VSNL1: variants seen among roughly 807,000 people sequenced by gnomAD.
VSNL1 encodes visinin like 1, also known as visinin-like protein 1.
Under a neutral mutation model 20.4 loss-of-function variants are expected in VSNL1, and 6 were observed. The ratio of observed to expected loss-of-function variants is 0.29; its 90% CI spans 0.16 to 0.58. The LOEUF is 0.58. Ranked by LOEUF, VSNL1 falls within the 20% of genes least tolerant of loss-of-function variation. VSNL1 has a pLI of 0.90. For missense variants in VSNL1, 100 were observed against 234.5 expected (o/e 0.43, Z 3.75); for synonymous variants, 93 against 86.4 (o/e 1.08, Z -0.42).
chr2:17,627,949 A>G (rs1665548240), intron 2 of VSNL1, among the ~76,000 whole-genome samples: 1 of 152,258 alleles, frequency 6.6e-6, no homozygotes. Context: ...CCCAGGAATG[A>G]ACAAGGACAG....
chr2:17,641,421 G>T (rs1227398662), intron 2 of VSNL1, among the ~76,000 whole-genome samples: 4 of 152,162 alleles, frequency 2.6e-5, no homozygotes, highest in African/African-American at 9.7e-5. Flanking sequence ...CTAGCAGACT[G>T]GCTCTAAATG....
chr2:17,605,471 C>G (rs978171178), intron 2 of VSNL1, among the ~76,000 whole-genome samples: 1 of 152,224 alleles, frequency 6.6e-6, no homozygotes, highest in Non-Finnish European at 1.5e-5. Flanking sequence ...CCCAGCGACT[C>G]GGCGGGTAAG....
At chr2:17,606,920 C>T (rs780445383) in intron 2 of VSNL1, among the ~76,000 whole-genome samples, 1 of 152,250 alleles carries the variant, frequency 6.6e-6, no homozygotes, top group East Asian at 1.9e-4. Context: ...TCCAGACAAG[C>T]CTGCTGGATT....
At chr2:17,559,931 C>A (rs1663774605) in intron 1 of VSNL1, among the ~76,000 whole-genome samples, 2 of 151,600 alleles carry the variant, frequency 1.3e-5, no homozygotes, top group Non-Finnish European at 1.5e-5. Flanking sequence ...TATTGAAAAT[C>A]CAAAGATTCA....
intron 2 of VSNL1, among the ~76,000 whole-genome samples, chr2:17,611,368 G>T (rs1377329551): frequency 6.6e-6 from 1 of 152,214 alleles, no homozygotes; most frequent in Non-Finnish European, 1.5e-5. Context: ...AACCATTTGA[G>T]CCTCAGTTAC....
At chr2:17,596,188 G>A (rs1664706760) in intron 2 of VSNL1, among the ~76,000 whole-genome samples, 1 of 152,142 alleles carries the variant, frequency 6.6e-6, no homozygotes, top group Non-Finnish European at 1.5e-5. Flanking sequence ...ATAGAAAGAT[G>A]CCTTCTGTCC....
intron 1 of VSNL1, among the ~76,000 whole-genome samples, chr2:17,566,523 A>G (rs1163575782): frequency 6.6e-6 from 1 of 152,100 alleles, no homozygotes; most frequent in African/African-American, 2.4e-5. Flanking sequence ...TCTGTAAATT[A>G]CTTATTCACA....
At chr2:17,586,775 G>T (rs533491016) in intron 1 of VSNL1, among the ~76,000 whole-genome samples, 2 of 152,190 alleles carry the variant, frequency 1.3e-5, no homozygotes, top group Non-Finnish European at 2.9e-5. Flanking sequence ...GGAAAAGAGA[G>T]GAGTAGTAAC....
At chr2:17,651,147 C>G (rs1336424686) in intron 3 of VSNL1, among the ~76,000 whole-genome samples, 2 of 152,188 alleles carry the variant, frequency 1.3e-5, no homozygotes, top group Non-Finnish European at 2.9e-5. Flanking sequence ...CATTTCCCCT[C>G]ATTGGCCACC....
At chr2:17,540,385 C>G (rs1006051352), upstream of VSNL1, among the ~76,000 whole-genome samples, 2 of 152,258 alleles carry the variant, frequency 1.3e-5, no homozygotes, top group Non-Finnish European at 2.9e-5. Context: ...GTCCGGGTAA[C>G]CCGCAGTCCC....
chr2:17,593,166 C>T (rs1370981434), intron 2 of VSNL1, among the ~76,000 whole-genome samples: 1 of 152,090 alleles, frequency 6.6e-6, no homozygotes, highest in African/African-American at 2.4e-5. Context: ...TGAAGCTGAA[C>T]ATTTTCTATA....
rs1395754167 is a variant in VSNL1, at chr2:17,540,762, A to T, written c.-162A>T. 6.5e-6 allele frequency: 1 copy of T among 152,728 alleles called. No individual in the cohort carries two copies. The highest frequency in any genetic ancestry group is 1.5e-5 in the Non-Finnish European group (1 of 68,090). 9.5% of individuals were successfully genotyped at this position (152,728 alleles called of 1,614,324 possible). ...CTGGGCTTGCAAGGCGCGATCCAAGAGGGATTTAAGCAGCCCAGAGCTCCA... is the reference window on the plus strand; with the variant it reads ...CTGGGCTTGCAAGGCGCGATCCAAGTGGGATTTAAGCAGCCCAGAGCTCCA... On this transcript the variant is annotated 5_prime_UTR_variant, in exon 1 of 4. Transcript: ENST00000295156.
intron 1 of VSNL1, among the ~76,000 whole-genome samples, chr2:17,544,444 C>G (rs1011455185): frequency 6.6e-6 from 1 of 152,126 alleles, no homozygotes; most frequent in East Asian, 1.9e-4. Context: ...CTAAGTGCCC[C>G]GCTTTGGTTT....
intron 1 of VSNL1, among the ~76,000 whole-genome samples, chr2:17,572,851 C>T (rs1664114113): frequency 6.6e-6 from 1 of 152,200 alleles, no homozygotes; most frequent in Non-Finnish European, 1.5e-5. Flanking sequence ...AAGGTTGCTT[C>T]TCATGTGAAG....
At chr2:17,612,635 G>A (rs1263165453) in intron 2 of VSNL1, among the ~76,000 whole-genome samples, 3 of 152,072 alleles carry the variant, frequency 2.0e-5, no homozygotes, top group African/African-American at 7.2e-5. Context: ...CACCTGATGG[G>A]GCCCATCCCT....
At chr2:17,632,619 A>T (rs1023088824) in intron 2 of VSNL1, among the ~76,000 whole-genome samples, 2 of 152,188 alleles carry the variant, frequency 1.3e-5, no homozygotes, top group Non-Finnish European at 2.9e-5. Context: ...CACTCTTAAT[A>T]ATAACTCTGA....
At chr2:17,540,343 C>G (rs1478962532), upstream of VSNL1, among the ~76,000 whole-genome samples, 2 of 152,252 alleles carry the variant, frequency 1.3e-5, no homozygotes, top group Non-Finnish European at 2.9e-5. Flanking sequence ...CGGCCTTCAG[C>G]CCCCAGGTTC....
chr2:17,579,300 A>G (rs1664293985), intron 1 of VSNL1, among the ~76,000 whole-genome samples: 1 of 151,932 alleles, frequency 6.6e-6, no homozygotes, highest in Admixed American at 6.6e-5. Flanking sequence ...TGTTTTTAGT[A>G]GGGACGGGGT....
At chr2:17,647,380 C>T (rs566867324) in intron 2 of VSNL1, among the ~76,000 whole-genome samples, 2 of 152,290 alleles carry the variant, frequency 1.3e-5, no homozygotes, top group East Asian at 3.9e-4. Context: ...CAGGGGCTCG[C>T]TCTGCTCCAC....
Sources: allele counts gnomAD v4.1 joint callset (sites outside exome capture counted in the v4.1 genomes callset), GRCh38; gene constraint gnomAD v4.1.1; transcripts MANE v1.5; gene names NCBI Gene and HGNC (gene_info 2026-07-23, HGNC 2026-07-21).